Variants in TBKBP1 observed in about 807,000 individuals in gnomAD.
TBKBP1 encodes TBK1 binding protein 1.
Under a neutral mutation model 69.9 loss-of-function variants are expected in TBKBP1, and 47 were observed. That is an observed-to-expected ratio of 0.67 (90% CI 0.53 to 0.86). TBKBP1 has a LOEUF of 0.86. Ranked by LOEUF, TBKBP1 falls within the 40% of genes least tolerant of loss-of-function variation. The pLI is 0.00. For missense variants in TBKBP1, 831 were observed against 858.6 expected (o/e 0.97, Z 0.40); for synonymous variants, 418 against 390.3 (o/e 1.07, Z -0.84).
intron 1 of TBKBP1, chr17:47,695,677 T>A (rs1597952515): frequency 6.2e-6 from 1 of 160,492 alleles, no homozygotes; most frequent in African/African-American, 2.4e-5. Context: ...AGGCCCAGGC[T>A]GAGGAGCTTG....
chr17:47,696,051 C>T, intron 1 of TBKBP1, 28 bp from the exon 2 acceptor site: 1 of 1,344,400 alleles, frequency 7.4e-7, no homozygotes, highest in Admixed American at 2.2e-5. Context: ...ACAGACGGCC[C>T]TGTCCACGGT....
intron 7 of TBKBP1, among the ~76,000 whole-genome samples, chr17:47,704,676 C>T (rs1277219501): frequency 6.6e-6 from 1 of 152,230 alleles, no homozygotes; most frequent in Non-Finnish European, 1.5e-5. Flanking sequence ...TGACTCTAAC[C>T]CTATCCCTGA....
In TBKBP1 at chr17:47,708,276, C is replaced by T; in HGVS notation, c.873-118C>T. The T allele has an allele frequency of 9.4e-7, 1 of 1,062,556 alleles. No individual in the cohort carries two copies. The highest frequency in any genetic ancestry group is 1.5e-5 in the South Asian group (1 of 66,196). 65.8% of individuals were successfully genotyped at this position (1,062,556 alleles called of 1,614,324 possible). A position where few individuals can be genotyped will look rare whatever the true frequency, so the allele number is the denominator to read the frequency against. ...TTTCTGCAATTGGGGTAGGAGGGCC[C>T]TGCGGGTGGGAGGGAGCATGGTGGG... On this transcript the variant is annotated intron_variant, in intron 7 of 9. Coordinates refer to ENST00000578982, the MANE Select transcript of TBKBP1 (RefSeq NM_001394755.1). This position sits in a 1 kb window ranked among gnomAD's most constrained non-coding sequence, Gnocchi z 4.4.
chr17:47,696,703 A>C lies in TBKBP1; in HGVS notation c.226-8A>C, dbSNP rs1597954265. 1 of 1,613,668 alleles carries C rather than the reference A, an allele frequency of 6.2e-7. No homozygotes were observed. Among genetic ancestry groups the C allele is most frequent in the Non-Finnish European group, 8.5e-7 (1 of 1,179,744 alleles). On this transcript the variant is annotated splice_polypyrimidine_tract_variant and splice_region_variant and intron_variant, in intron 2 of 9. Transcript: ENST00000578982. ...ATCCACTCTCCTGAAGCTCCACCCC[A>C]CCTGCAGTACCCACTGATCAGTGAC... is the stretch of plus-strand genomic sequence containing the variant.
chr17:47,694,747 C>A (rs2031140496), intron 1 of TBKBP1: 1 of 147,870 alleles, frequency 6.8e-6, no homozygotes, highest in Non-Finnish European at 1.5e-5. Context: ...TAAGCGCTGG[C>A]GCGCGGAGCT....
At position 47,708,147 on chromosome 17, in the gene TBKBP1, T is replaced by C. The variant is rs1260700020; in HGVS notation, c.873-247T>C. ...TCTCTCTGCTCCCTGTCCCTGCACT[T>C]AGGCTGGGAACCACTGCCCTAGCCC... On this transcript the variant is annotated intron_variant, in intron 7 of 9. Transcript: ENST00000578982. This position sits in a 1 kb window ranked among gnomAD's most constrained non-coding sequence, Gnocchi z 4.4. Among the ~76,000 whole-genome samples, 1 of 152,204 alleles carries C rather than the reference T, an allele frequency of 6.6e-6. No individual in the cohort carries two copies. The highest frequency in any genetic ancestry group is 1.5e-5 in the Non-Finnish European group (1 of 68,040).
At chr17:47,702,618 C>T (rs555041129) in intron 7 of TBKBP1, among the ~76,000 whole-genome samples, 2 of 152,226 alleles carry the variant, frequency 1.3e-5, no homozygotes, top group Non-Finnish European at 2.9e-5. Flanking sequence ...AACGTTCCCA[C>T]GAAAACAGAC....
chr17:47,705,639 C>T (rs2031668463), intron 7 of TBKBP1, among the ~76,000 whole-genome samples: 1 of 152,192 alleles, frequency 6.6e-6, no homozygotes, highest in African/African-American at 2.4e-5. Flanking sequence ...TTTCGGTGCA[C>T]GTGTGCAACT....
At chr17:47,701,120 C>G (rs1431440866) in intron 7 of TBKBP1, among the ~76,000 whole-genome samples, 1 of 152,178 alleles carries the variant, frequency 6.6e-6, no homozygotes, top group East Asian at 1.9e-4. Flanking sequence ...TCTTCCTTAT[C>G]TGCCTCCCAG....
In TBKBP1 at chr17:47,697,164, A is replaced by T; in HGVS notation, c.424A>T (p.Ser142Cys). Residue 142 changes from serine to cysteine, a missense_variant, in exon 4 of 10, where the codon AGT (serine) becomes TGT (cysteine). By Grantham distance (112) the Ser-to-Cys change is moderately radical. Transcript: ENST00000578982. ...QAYEKLCVEKSDLETELREMR... is the reference protein window; with the variant it reads ...QAYEKLCVEKCDLETELREMR... ...CTACGAGAAACTCTGCGTGGAGAAG[A>T]GTGACTTGGAGACAGAGCTGAGGGA... 1 of 1,613,044 alleles carries T rather than the reference A, an allele frequency of 6.2e-7. No individual in the cohort carries two copies.
In TBKBP1 at chr17:47,712,019, A is replaced by C. The variant is rs1670596794; in HGVS notation, c.*1393A>C. The stretch of plus-strand genomic sequence containing the variant: ...GCAGGGGCCCCTGTGCTCTCTGAAC[A>C]AGTTGAAAGTCCAAATAAAACTTAC... On this transcript the variant is annotated 3_prime_UTR_variant, in exon 10 of 10. Transcript: ENST00000578982. 1 of 152,486 alleles carries C rather than the reference A, an allele frequency of 6.6e-6. No individual in the cohort carries two copies. The highest frequency in any genetic ancestry group is 2.4e-5 in the African/African-American group (1 of 41,412). The allele number at this position is 152,486 out of a possible 1,614,324, so 9.4% of individuals were successfully genotyped here.
At chr17:47,694,438 G>C (rs886545825) in intron 1 of TBKBP1, among the ~76,000 whole-genome samples, 1 of 152,038 alleles carries the variant, frequency 6.6e-6, no homozygotes, top group African/African-American at 2.4e-5. Context: ...CGGGGGCCCA[G>C]GGCTCGGCCG....
At chr17:47,710,203 G>A (rs1448657345) in intron 9 of TBKBP1, among the ~76,000 whole-genome samples, 2 of 152,164 alleles carry the variant, frequency 1.3e-5, no homozygotes, top group African/African-American at 4.8e-5. Flanking sequence ...AGTTATCCGG[G>A]AGCTGTCTTA....
At chr17:47,699,525 G>C in intron 6 of TBKBP1, 30 bp downstream of exon 6, 1 of 1,602,072 alleles carries the variant, frequency 6.2e-7, no homozygotes, top group African/African-American at 1.3e-5. Flanking sequence ...ACAGCTTCTG[G>C]AGGTCCAGGG....
In TBKBP1 at chr17:47,696,099, G is replaced by T; in HGVS notation, c.-14G>T. 7 of 1,597,738 alleles carry T rather than the reference G, an allele frequency of 4.4e-6. No individual in the cohort carries two copies. Among genetic ancestry groups the T allele is most frequent in the Non-Finnish European group, 6.0e-6 (7 of 1,171,850 alleles). ...CCTAGGAGGCCCCGTGTGGGCCGCGGCCCGGCCCTCACCATGGAGTCCATG... is the reference window on the plus strand; with the variant it reads ...CCTAGGAGGCCCCGTGTGGGCCGCGTCCCGGCCCTCACCATGGAGTCCATG... On this transcript the variant is annotated 5_prime_UTR_variant, in exon 2 of 10. Coordinates refer to ENST00000578982, the MANE Select transcript of TBKBP1 (RefSeq NM_001394755.1).
rs772585298 is a variant in TBKBP1, at chr17:47,699,414, T to C, written c.729T>C (p.Ala243=). 1 of 1,566,152 alleles carries C rather than the reference T, an allele frequency of 6.4e-7. No homozygotes were observed. Among genetic ancestry groups the C allele is most frequent in the Non-Finnish European group, 8.6e-7 (1 of 1,159,956 alleles). ...LEAAQGEARG[A]QLREEQLQAE... is the part of the protein sequence containing the mutation. Reference sequence around the variant, plus strand: ...CCGCGCAGGGAGAGGCCCGGGGGGCTCAGCTCCGGGAGGAGCAGCTCCAGG... The same window carrying C: ...CCGCGCAGGGAGAGGCCCGGGGGGCCCAGCTCCGGGAGGAGCAGCTCCAGG... The change falls in exon 6 of 10, where the codon GCT becomes GCC. Residue 243 remains alanine, a synonymous_variant. Transcript: ENST00000578982.
At chr17:47,694,453 TG>T (rs1427663036) in intron 1 of TBKBP1, among the ~76,000 whole-genome samples, 1 of 141,262 alleles carries the variant, frequency 7.1e-6, no homozygotes, top group African/African-American at 2.6e-5. Flanking sequence ...CGGCCGGTTG[TG>T]GGGGAGGGGG....
chr17:47,710,250 C>G (rs1040879397), intron 9 of TBKBP1, among the ~76,000 whole-genome samples: 6 of 152,234 alleles, frequency 3.9e-5, no homozygotes, highest in African/African-American at 1.4e-4. Context: ...TGGCTTCTCT[C>G]ATTACCACAG....
At position 47,700,289 on chromosome 17, in the gene TBKBP1, C is replaced by CTTTTTTTTTTT. The variant is rs774797034; in HGVS notation, c.872+609_872+619dup. On this transcript the variant is annotated intron_variant, in intron 7 of 9. Transcript: ENST00000578982. ...TAGGAGTGAGCCACTGCGCCCGGAC[C>CTTTTTTTTTTT]TTTTTTTTTTTTTTTTTTTTTTTTT... Among the ~76,000 whole-genome samples the CTTTTTTTTTTT allele has an allele frequency of 2.3e-3, 95 of 41,460 alleles. 12 individuals are homozygous for CTTTTTTTTTTT. The highest frequency in any genetic ancestry group is 5.2e-3 in the African/African-American group (38 of 7,288). The allele number at this position is 41,460 out of a possible 152,430, so 27.2% of individuals were successfully genotyped here.
Sources: allele counts gnomAD v4.1 joint callset (sites outside exome capture counted in the v4.1 genomes callset), GRCh38; gene constraint gnomAD v4.1.1; non-coding constraint Gnocchi (gnomAD v3.1); transcripts MANE v1.5; gene names NCBI Gene and HGNC (gene_info 2026-07-23, HGNC 2026-07-21).